Variants in PRKCE observed in about 807,000 individuals in gnomAD.
PRKCE encodes the protein protein kinase C epsilon type.
Under a neutral mutation model 85.4 loss-of-function variants are expected in PRKCE, and 16 were observed. The ratio of observed to expected loss-of-function variants is 0.19; its 90% confidence interval spans 0.13 to 0.28. The LOEUF (loss-of-function observed/expected upper bound fraction) is 0.28. PRKCE is among the 10% of genes least tolerant of loss of function. The pLI is 1.00. For synonymous variants in PRKCE, 388 were observed against 371.5 expected (o/e 1.04, Z -0.51); for missense variants, 573 against 975.2 (o/e 0.59, Z 5.49).
chr2:45,978,515 T>C (rs369349400), intron 3 of PRKCE: 2 of 156,860 alleles, frequency 1.3e-5, no homozygotes, highest in Admixed American at 1.3e-4. Context: ...TTAGAACCAT[T>C]GGTGGTCTTT....
chr2:46,016,375 A>G (rs1706147845), intron 10 of PRKCE, among the ~76,000 whole-genome samples: 1 of 152,114 alleles, frequency 6.6e-6, no homozygotes, highest in Admixed American at 6.5e-5. Context: ...GGTCAGAGAA[A>G]GATCGTCACT....
chr2:46,064,280 CAAAA>C (rs58347072), intron 10 of PRKCE, among the ~76,000 whole-genome samples: 2 of 90,848 alleles, frequency 2.2e-5, no homozygotes, highest in African/African-American at 3.8e-5. Context: ...GACTCTGTCT[CAAAA>C]AAAAAAAAAA....
chr2:46,111,211 T>A (rs1672225264), intron 11 of PRKCE, among the ~76,000 whole-genome samples: 1 of 152,112 alleles, frequency 6.6e-6, no homozygotes, highest in African/African-American at 2.4e-5. Context: ...TTAAGTTGAT[T>A]GCTAATGCTG....
In PRKCE at chr2:45,946,095, G is replaced by A. The variant is rs111750948; in HGVS notation, c.413-30334G>A. Among the ~76,000 whole-genome samples the A allele has an allele frequency of 1.8e-4, 28 of 152,374 alleles. No individual in the cohort carries two copies. The South Asian group carries it at 5.2e-3, about 28-fold the overall frequency. ...AATGTGGCACATGCCCTCCCAGGGC[G>A]TAGGATGTTGGCCAGATACCAACCA... is the stretch of plus-strand genomic sequence containing the variant. On this transcript the variant is annotated intron_variant, in intron 2 of 14. Coordinates refer to ENST00000306156, the MANE Select transcript of PRKCE (RefSeq NM_005400.3).
rs1389426953 is a variant in PRKCE at position 46,159,940 on chromosome 2, G to A, written c.2067+188G>A. 1.5e-5 allele frequency: 9 copies of A among 615,934 alleles called. No individual in the cohort carries two copies. The highest frequency in any genetic ancestry group is 2.4e-5 in the South Asian group (1 of 41,006). 38.2% of individuals were successfully genotyped at this position (615,934 alleles called of 1,614,324 possible). ...CCCAAGTGTTTACTATTGAAAACAT[G>A]TAACCTACTACAGCAGCACCCAAGA... On this transcript the variant is annotated intron_variant, in intron 14 of 14. Coordinates refer to ENST00000306156, the MANE Select transcript of PRKCE (RefSeq NM_005400.3). This position sits in a 1 kb window ranked among gnomAD's most constrained non-coding sequence, Gnocchi z 4.1.
chr2:46,072,882 C>T lies in PRKCE; in HGVS notation c.1438-13326C>T, dbSNP rs142394313. On this transcript the variant is annotated intron_variant, in intron 10 of 14. Transcript: ENST00000306156. ...TAGATTTACCAACACATGAAATTAT[C>T]AGAGAAAAATGCAGTAGAATCACCA... Among the ~76,000 whole-genome samples, 124 of 152,292 alleles carry T rather than the reference C, an allele frequency of 8.1e-4. 1 individual carries two copies. The East Asian group carries it at 0.02, about 25-fold the overall frequency.
At chr2:45,715,550 A>G (rs1573037374) in intron 1 of PRKCE, among the ~76,000 whole-genome samples, 1 of 152,198 alleles carries the variant, frequency 6.6e-6, no homozygotes, top group East Asian at 1.9e-4. Flanking sequence ...CTAAGGAGCA[A>G]GAGACTCCTG....
chr2:46,187,067 C>A lies in PRKCE; in HGVS notation c.*2186C>A, dbSNP rs1422157492. The A allele has an allele frequency of 6.6e-6, 1 of 152,628 alleles. No homozygotes were observed. The highest frequency in any genetic ancestry group is 2.1e-4 in the South Asian group (1 of 4,830). 9.5% of individuals were successfully genotyped at this position (152,628 alleles called of 1,614,324 possible). ...AAACATCTTTACGGTGGCATCATCT[C>A]ATTTTTTAGGAAGACATGATAATAC... On this transcript the variant is annotated 3_prime_UTR_variant, in exon 15 of 15. Transcript: ENST00000306156.
At position 45,744,166 on chromosome 2, in the gene PRKCE, G is replaced by A. The variant is rs968943890; in HGVS notation, c.348+91718G>A. The stretch of plus-strand genomic sequence containing the variant: ...AAATGGGAATAATAACACCAACCCT[G>A]TTGTTTGTCATGAGACATAATAGAT... On this transcript the variant is annotated intron_variant, in intron 1 of 14. Transcript: ENST00000306156. Among the ~76,000 whole-genome samples the A allele has an allele frequency of 3.3e-5, 5 of 152,142 alleles. No individual in the cohort carries two copies. The South Asian group carries it at 1.0e-3, about 31-fold the overall frequency.
intron 6 of PRKCE, among the ~76,000 whole-genome samples, chr2:46,000,201 A>T (rs1704559445): frequency 6.6e-6 from 1 of 150,390 alleles, no homozygotes. Flanking sequence ...TTCTTGCCAG[A>T]CATTATATAC....
At chr2:46,104,566 A>C (rs1435611197) in intron 11 of PRKCE, among the ~76,000 whole-genome samples, 1 of 152,050 alleles carries the variant, frequency 6.6e-6, no homozygotes, top group Non-Finnish European at 1.5e-5. Context: ...ATATACAATG[A>C]GCCTTAAAGG....
chr2:45,955,447 C>G (rs1385457738), intron 2 of PRKCE, among the ~76,000 whole-genome samples: 2 of 152,160 alleles, frequency 1.3e-5, no homozygotes, highest in East Asian at 3.9e-4. Flanking sequence ...TTGTTAATAC[C>G]TGATGCCCCA....
At chr2:46,051,327 C>G (rs1172828502) in intron 10 of PRKCE, among the ~76,000 whole-genome samples, 1 of 152,178 alleles carries the variant, frequency 6.6e-6, no homozygotes, top group Admixed American at 6.5e-5. Flanking sequence ...CCTCAGTGCA[C>G]CATACACATG....
intron 1 of PRKCE, among the ~76,000 whole-genome samples, chr2:45,715,792 GT>G (rs1680039725): frequency 6.6e-6 from 1 of 152,148 alleles, no homozygotes; most frequent in Admixed American, 6.5e-5. Flanking sequence ...ATTTTTGGGG[GT>G]GAGGATGGGG....
rs1299160695 is a variant in PRKCE at position 45,907,070 on chromosome 2, G to A, written c.412+64007G>A. Among the ~76,000 whole-genome samples, 1 of 130,412 alleles carries A rather than the reference G, an allele frequency of 7.7e-6. No homozygotes were observed. The highest frequency in any genetic ancestry group is 1.7e-5 in the Non-Finnish European group (1 of 60,016). The allele number at this position is 130,412 out of a possible 152,430, so 85.6% of individuals were successfully genotyped here. On this transcript the variant is annotated intron_variant, in intron 2 of 14. Transcript: ENST00000306156. The surrounding 1 kb of genome is among the most constrained non-coding windows in gnomAD (Gnocchi z 4.5). The stretch of plus-strand genomic sequence containing the variant: ...CCAAAATTAGGCGTCGGAGGTCTAA[G>A]TGGTATAGACGGAAGGAAGGCGGTC...
intron 11 of PRKCE, among the ~76,000 whole-genome samples, chr2:46,119,029 C>T (rs1673056372): frequency 6.6e-6 from 1 of 152,068 alleles, no homozygotes; most frequent in Non-Finnish European, 1.5e-5. Context: ...AGCAAATGGC[C>T]CATGGAAGTT....
chr2:46,115,111 G>A (rs1672644173), intron 11 of PRKCE, among the ~76,000 whole-genome samples: 1 of 152,176 alleles, frequency 6.6e-6, no homozygotes, highest in African/African-American at 2.4e-5. Context: ...TGATCACAGT[G>A]TAGCGCAACC....
chr2:45,759,877 C>T (rs1030097700), intron 1 of PRKCE, among the ~76,000 whole-genome samples: 1 of 152,288 alleles, frequency 6.6e-6, no homozygotes, highest in African/African-American at 2.4e-5. Flanking sequence ...GCTTCTGTTG[C>T]AGGTGATGGA....
intron 2 of PRKCE, among the ~76,000 whole-genome samples, chr2:45,960,898 G>C (rs1435017332): frequency 6.6e-6 from 1 of 152,162 alleles, no homozygotes; most frequent in Non-Finnish European, 1.5e-5. Context: ...TCTCCAAAAA[G>C]GATCTGAGAT....
Sources: allele counts gnomAD v4.1 joint callset (sites outside exome capture counted in the v4.1 genomes callset), GRCh38; gene constraint gnomAD v4.1.1; non-coding constraint Gnocchi (gnomAD v3.1); transcripts MANE v1.5; gene names NCBI Gene and HGNC (gene_info 2026-07-23, HGNC 2026-07-21).